The following TMEM132C variants were observed in gnomAD, a reference collection of about 807,000 sequenced individuals.
The protein encoded by TMEM132C is transmembrane protein 132C.
In TMEM132C, 29 loss-of-function variants were observed where a neutral mutation model predicts 61.4. The ratio of observed to expected loss-of-function variants is 0.47; its 90% CI spans 0.35 to 0.64. The LOEUF (loss-of-function observed/expected upper bound fraction) is 0.64, where lower values mean the gene tolerates loss of function less well. TMEM132C is among the 30% of genes least tolerant of loss of function. The pLI is 0.00. For missense variants in TMEM132C, 1,408 were observed against 1,476.9 expected, an observed-to-expected ratio of 0.95 and a Z score of 0.76; for synonymous variants, 656 against 633.1, an observed-to-expected ratio of 1.04 and a Z score of -0.54.
At chr12:128,486,736 G>A (rs369123658) in intron 2 of TMEM132C, among the ~76,000 whole-genome samples, 11 of 152,094 alleles carry the variant, frequency 7.2e-5, no homozygotes, top group Non-Finnish European at 8.8e-5. Context: ...TGGGCAGTCC[G>A]GGGAAGTTCT....
rs61165418 is a variant in TMEM132C at position 128,541,077 on chromosome 12, G to A, written c.975-2880G>A. ...TCTGACTGCCTGGCTTTAAAGTGGG[G>A]TTCCCATGACCTCATCCTCAGGTTT... On this transcript the variant is annotated intron_variant, in intron 2 of 8. Transcript: ENST00000435159. Among the ~76,000 whole-genome samples, 927 of 151,046 alleles carry A rather than the reference G, an allele frequency of 6.1e-3. 14 individuals are homozygous for A. The highest frequency in any genetic ancestry group is 0.021 in the African/African-American group (882 of 41,352).
At chr12:128,426,019 C>T (rs993648329) in intron 2 of TMEM132C, among the ~76,000 whole-genome samples, 3 of 152,230 alleles carry the variant, frequency 2.0e-5, no homozygotes, top group Admixed American at 6.5e-5. Flanking sequence ...TACAGACTGC[C>T]TGACGTGCTT....
chr12:128,631,764 T>C (rs1320777668), intron 4 of TMEM132C, among the ~76,000 whole-genome samples: 1 of 152,230 alleles, frequency 6.6e-6, no homozygotes, highest in Admixed American at 6.5e-5. Context: ...GGATTTTTTT[T>C]CTCAGGCATA....
At chr12:128,486,143 AAC>A (rs1487493712) in intron 2 of TMEM132C, among the ~76,000 whole-genome samples, 2 of 152,154 alleles carry the variant, frequency 1.3e-5, no homozygotes. Context: ...CTGGACCTAG[AAC>A]ACAGTCTGCT....
At chr12:128,429,786 C>T (rs1441907589) in intron 2 of TMEM132C, among the ~76,000 whole-genome samples, 1 of 152,174 alleles carries the variant, frequency 6.6e-6, no homozygotes, top group Non-Finnish European at 1.5e-5. Flanking sequence ...GAAAGAGTGT[C>T]ACACCTTCAT....
chr12:128,436,586 A>C (rs1316344193), intron 2 of TMEM132C, among the ~76,000 whole-genome samples: 3 of 152,142 alleles, frequency 2.0e-5, no homozygotes, highest in African/African-American at 7.2e-5. Context: ...CAAATCAAAA[A>C]CACAATGAGA....
intron 2 of TMEM132C, among the ~76,000 whole-genome samples, chr12:128,444,285 T>G (rs942016990): frequency 6.6e-6 from 1 of 152,208 alleles, no homozygotes; most frequent in Non-Finnish European, 1.5e-5. Context: ...ATTTGTCATC[T>G]TTGCACCGTG....
intron 2 of TMEM132C, among the ~76,000 whole-genome samples, chr12:128,430,002 G>A (rs940502476): frequency 2.6e-5 from 4 of 152,092 alleles, no homozygotes; most frequent in African/African-American, 9.7e-5. Context: ...GTGGATGGGG[G>A]AAGGCACCAT....
At chr12:128,576,995 A>G (rs1211149107) in intron 3 of TMEM132C, among the ~76,000 whole-genome samples, 1 of 152,136 alleles carries the variant, frequency 6.6e-6, no homozygotes, top group Non-Finnish European at 1.5e-5. Context: ...GTATTTACAT[A>G]CTTCTGCAAC....
At chr12:128,596,904 A>G (rs1875976500) in intron 3 of TMEM132C, among the ~76,000 whole-genome samples, 1 of 152,132 alleles carries the variant, frequency 6.6e-6, no homozygotes, top group African/African-American at 2.4e-5. Flanking sequence ...ATGACTGAAG[A>G]CCACTGTCTT....
chr12:128,469,284 T>G (rs1870850655), intron 2 of TMEM132C, among the ~76,000 whole-genome samples: 1 of 151,902 alleles, frequency 6.6e-6, no homozygotes. Context: ...ATGACTCAGA[T>G]CATATATATA....
At chr12:128,614,093 C>G (rs931929190) in intron 3 of TMEM132C, among the ~76,000 whole-genome samples, 1 of 152,130 alleles carries the variant, frequency 6.6e-6, no homozygotes, top group Non-Finnish European at 1.5e-5. Context: ...AGAACCCTGG[C>G]CCCCCTACAA....
At chr12:128,527,707 A>ATGTGTGTGTGTGTG (rs5801799) in intron 2 of TMEM132C, among the ~76,000 whole-genome samples, 38 of 147,194 alleles carry the variant, frequency 2.6e-4, no homozygotes, top group African/African-American at 9.0e-4. Flanking sequence ...ATGTGCATGT[A>ATGTGTGTGTGTGTG]TGTGTGTGTG....
intron 1 of TMEM132C, chr12:128,294,308 G>A (rs901978644): frequency 6.6e-6 from 1 of 152,354 alleles, no homozygotes; most frequent in Non-Finnish European, 1.5e-5. Context: ...ATGAGACTGG[G>A]GCTTACCAAA....
chr12:128,437,128 A>G (rs1192585777), intron 2 of TMEM132C, among the ~76,000 whole-genome samples: 2 of 152,042 alleles, frequency 1.3e-5, no homozygotes, highest in African/African-American at 4.8e-5. Context: ...GGGGAACATC[A>G]CACACTGGGG....
intron 1 of TMEM132C, among the ~76,000 whole-genome samples, chr12:128,352,072 C>G (rs12296941): frequency 4.6e-4 from 70 of 152,090 alleles, no homozygotes; most frequent in African/African-American, 1.7e-3. Flanking sequence ...GTATTCAGGT[C>G]TTCACTGATT....
intron 3 of TMEM132C, among the ~76,000 whole-genome samples, chr12:128,614,782 T>C (rs1182302827): frequency 1.3e-5 from 2 of 152,196 alleles, no homozygotes; most frequent in African/African-American, 4.8e-5. Context: ...GAGATGTCAT[T>C]AAAGGATACT....
Position 128,705,939 on chromosome 12 carries a change from C to T in TMEM132C, c.2971C>T (p.Gln991Ter), listed in dbSNP as rs1954836185. The T allele has an allele frequency of 6.4e-7, 1 of 1,551,382 alleles. No individual in the cohort carries two copies. Among genetic ancestry groups the T allele is most frequent in the Non-Finnish European group, 8.7e-7 (1 of 1,146,960 alleles). Residue 991 changes from glutamine (Q) to a stop codon, truncating the protein, a stop_gained, in exon 9 of 9, where the codon CAG (glutamine) becomes TAG (stop). Transcript: ENST00000435159. LOFTEE classifies it low-confidence loss of function (END_TRUNC). ...LESMGDAPPP[Q>*]DEHTTIIDRG... The stretch of plus-strand genomic sequence containing the variant: ...GAGCATGGGGGATGCGCCGCCGCCC[C>T]AGGACGAGCACACCACCATCATAGA...
chr12:128,689,809 G>C (rs569096137), intron 5 of TMEM132C, among the ~76,000 whole-genome samples: 1 of 152,324 alleles, frequency 6.6e-6, no homozygotes, highest in African/African-American at 2.4e-5. Context: ...AGCATCCGCA[G>C]CCGCTGGTTA....
Sources: gnomAD v4.1 joint callset for allele counts (sites outside exome capture counted in the v4.1 genomes callset) on GRCh38, gnomAD v4.1.1 for gene constraint, MANE v1.5 for transcripts, NCBI Gene and HGNC (gene_info 2026-07-23, HGNC 2026-07-21) for gene names.